The following ALG2 variants were observed in gnomAD, a reference collection of about 807,000 sequenced individuals.
ALG2 encodes ALG2 alpha-1,3/1,6-mannosyltransferase, also known as alpha-1,3/1,6-mannosyltransferase ALG2.
A neutral mutation model predicts 30.5 loss-of-function variants in ALG2; 32 were observed. That is an observed-to-expected ratio of 1.05 (90% confidence interval 0.79 to 1.41). The LOEUF (loss-of-function observed/expected upper bound fraction) is 1.41, where lower values mean the gene tolerates loss of function less well. ALG2 is among the 40% of genes most tolerant of loss of function. ALG2 has a pLI of 0.00. For missense variants in ALG2, 574 were observed against 526.4 expected (o/e 1.09, Z -0.88); for synonymous variants, 253 against 224.8 (o/e 1.13, Z -1.12).
Position 99,217,728 on chromosome 9 carries a change from T to TTGGAA in ALG2, c.*201_*205dup, listed in dbSNP as rs1400128316. 2 of 691,800 alleles carry TTGGAA rather than the reference T, an allele frequency of 2.9e-6. No individual in the cohort carries two copies. Among genetic ancestry groups the TTGGAA allele is most frequent in the Non-Finnish European group, 5.2e-6 (2 of 384,412 alleles). 42.9% of individuals were successfully genotyped at this position (691,800 alleles called of 1,614,324 possible). A position where few individuals can be genotyped will look rare whatever the true frequency, so the allele number is the denominator to read the frequency against. ...ATTTGTAACTTAACACTGGCAAAAT[T>TTGGAA]TGGAATGATTATAGCATAAAAGACA... On this transcript the variant is annotated 3_prime_UTR_variant, in exon 2 of 2. Coordinates refer to ENST00000476832, the MANE Select transcript of ALG2 (RefSeq NM_033087.4).
chr9:99,218,906 A>G (rs1256187864), intron 1 of ALG2, 70 bp from the exon 2 acceptor site: 6 of 1,551,704 alleles, frequency 3.9e-6, no homozygotes, highest in Non-Finnish European at 5.3e-6. Context: ...AAACACAGAC[A>G]CCCACCCCGT....
chr9:99,221,554 C>T lies in ALG2; in HGVS notation c.341G>A (p.Cys114Tyr). ...LADEEFDVVVCDQVSACIPVF... is the reference protein window; with the variant it reads ...LADEEFDVVVYDQVSACIPVF... ...GCCCCGCGGCCGCCTCACCTGGTCG[C>T]ACACTACCACGTCGAACTCCTCGTC... Residue 114 changes from cysteine (C) to tyrosine (Y), a missense_variant, in exon 1 of 2, where the codon TGC becomes TAC. By Grantham distance (194) the Cys-to-Tyr change is radical (BLOSUM62 -2). Coordinates refer to ENST00000476832, the MANE Select transcript of ALG2 (RefSeq NM_033087.4). 6.5e-7 allele frequency: 1 copy of T among 1,544,040 alleles called. No homozygotes were observed. Among genetic ancestry groups the T allele is most frequent in the Non-Finnish European group, 8.7e-7 (1 of 1,146,266 alleles).
In ALG2 at chr9:99,218,408, C is replaced by T; in HGVS notation, c.777G>A (p.Trp259Ter). Reference sequence around the variant, plus strand: ...CTGCCACGATCAGATGAACCCTCTCCCAATCTTGGGATGTCAATCTTCCAC... The same window carrying T: ...CTGCCACGATCAGATGAACCCTCTCTCAATCTTGGGATGTCAATCTTCCAC... ...QLRGRLTSQD[W>*]ERVHLIVAGG... The change falls in exon 2 of 2, where the codon TGG (tryptophan) becomes TGA (stop). Residue 259 changes from tryptophan to a stop codon, truncating the protein, a stop_gained. Coordinates refer to ENST00000476832, the MANE Select transcript of ALG2 (RefSeq NM_033087.4). LOFTEE classifies it high-confidence loss of function. The T allele has an allele frequency of 5.0e-6, 8 of 1,614,226 alleles. No homozygotes were observed. The highest frequency in any genetic ancestry group is 5.9e-6 in the Non-Finnish European group (7 of 1,180,046).
chr9:99,219,400 C>T (rs895609146), intron 1 of ALG2, among the ~76,000 whole-genome samples: 3 of 152,160 alleles, frequency 2.0e-5, no homozygotes, highest in African/African-American at 7.2e-5. Flanking sequence ...TAGTTTAGAG[C>T]ACAAGCTCTA....
In ALG2 at chr9:99,218,109, C is replaced by T. The variant is rs139337094; in HGVS notation, c.1076G>A (p.Gly359Glu). Residue 359 changes from glycine to glutamate, a missense_variant, in exon 2 of 2, where the codon GGG (glycine) becomes GAG (glutamate). Gly to Glu is a moderately conservative substitution (Grantham distance 98). Coordinates refer to ENST00000476832, the MANE Select transcript of ALG2 (RefSeq NM_033087.4). ...PLESIDHSVT[G>E]FLCEPDPVHF... ...CACCGGGTCAGGCTCACACAGAAAC[C>T]CTGTGACACTGTGGTCAATGGACTC... is the stretch of plus-strand genomic sequence containing the variant. 27 of 1,612,604 alleles carry T rather than the reference C, an allele frequency of 1.7e-5. No homozygotes were observed. The highest frequency in any genetic ancestry group is 6.7e-5 in the African/African-American group (5 of 74,800).
rs761379332 is a variant in ALG2, at chr9:99,217,231, CAT to C, written c.*701_*702del. The C allele has an allele frequency of 8.8e-6, 4 of 454,008 alleles. No individual in the cohort carries two copies. Among genetic ancestry groups the C allele is most frequent in the East Asian group, 6.9e-5 (1 of 14,416 alleles). 28.1% of individuals were successfully genotyped at this position (454,008 alleles called of 1,614,324 possible). Reference sequence around the variant, plus strand: ...TATACCCTAAACAAGATGCACAACACATGTGTGACAATATTCTTGCTTCATTT... The same window carrying C: ...TATACCCTAAACAAGATGCACAACACGTGTGACAATATTCTTGCTTCATTT... On this transcript the variant is annotated 3_prime_UTR_variant, in exon 2 of 2. Transcript: ENST00000476832.
chr9:99,221,922 A>C lies in ALG2; in HGVS notation c.-28T>G, dbSNP rs774113151. ...CCCTGGAGCCGCAACTGCACCCCGCACCCTGATGGGGGTCTTCTGCGCAAG... is the reference window on the plus strand; with the variant it reads ...CCCTGGAGCCGCAACTGCACCCCGCCCCCTGATGGGGGTCTTCTGCGCAAG... On this transcript the variant is annotated 5_prime_UTR_variant, in exon 1 of 2. Transcript: ENST00000476832. 7 of 1,561,372 alleles carry C rather than the reference A, an allele frequency of 4.5e-6. No individual in the cohort carries two copies. The highest frequency in any genetic ancestry group is 5.2e-6 in the Non-Finnish European group (6 of 1,159,340).
chr9:99,220,817 A>G (rs1588619980), intron 1 of ALG2, among the ~76,000 whole-genome samples: 2 of 152,216 alleles, frequency 1.3e-5, no homozygotes, highest in South Asian at 4.1e-4. Flanking sequence ...ATCTTCAGGG[A>G]GTAGAATAGG....
rs866814486 is a variant in ALG2, at chr9:99,221,530, C to T, written c.348+17G>A. The T allele has an allele frequency of 6.5e-7, 1 of 1,541,232 alleles. No homozygotes were observed. The highest frequency in any genetic ancestry group is 2.4e-5 in the East Asian group (1 of 40,860). Reference sequence around the variant, plus strand: ...GCGAGGTCCGCACTCGCGCAGCCGGCCCCGCGGCCGCCTCACCTGGTCGCA... The same window carrying T: ...GCGAGGTCCGCACTCGCGCAGCCGGTCCCGCGGCCGCCTCACCTGGTCGCA... On this transcript the variant is annotated intron_variant, in intron 1 of 1. Transcript: ENST00000476832.
Position 99,221,667 on chromosome 9 carries a change from C to G in ALG2, c.228G>C (p.Pro76=). Residue 76 remains proline (P), a synonymous_variant, in exon 1 of 2, where the codon CCG becomes CCC. Coordinates refer to ENST00000476832, the MANE Select transcript of ALG2 (RefSeq NM_033087.4). ...LPVRCAGDWL[P]RGLGWGGRGA... ...CGCGGCCGCCCCAGCCCAGGCCTCG[C>G]GGCAGCCAGTCCCCGGCACAGCGCA... The G allele has an allele frequency of 2.6e-6, 4 of 1,552,280 alleles. No individual in the cohort carries two copies. The highest frequency in any genetic ancestry group is 3.5e-6 in the Non-Finnish European group (4 of 1,153,108).
Position 99,221,479 on chromosome 9 carries a change from G to C in ALG2, c.348+68C>G, listed in dbSNP as rs991607695. On this transcript the variant is annotated intron_variant, in intron 1 of 1. Transcript: ENST00000476832. ...CAGACAGGGAAGGTCTTCTCTCAGG[G>C]GTCATGCCCGCGGCCGCCCTCCACG... 2.0e-6 allele frequency: 3 copies of C among 1,476,472 alleles called. No individual in the cohort carries two copies. The African/African-American group carries it at 4.2e-5, about 21-fold the overall frequency. The allele number at this position is 1,476,472 out of a possible 1,614,324, so 91.5% of individuals were successfully genotyped here. A position where few individuals can be genotyped will look rare whatever the true frequency, so the allele number is the denominator to read the frequency against.
chr9:99,221,415 C>G, intron 1 of ALG2, 132 bp downstream of exon 1: 1 of 1,112,196 alleles, frequency 9.0e-7, no homozygotes, highest in Non-Finnish European at 1.3e-6. Context: ...TCGCTCACAA[C>G]CCTGACTTCT....
intron 1 of ALG2, 144 bp downstream of exon 1, chr9:99,221,403 G>A (rs1828797668): frequency 9.9e-7 from 1 of 1,007,438 alleles, no homozygotes; most frequent in Non-Finnish European, 1.5e-6. Flanking sequence ...AGAACCACAG[G>A]CTCGCTCACA....
In ALG2 at chr9:99,221,680, C is replaced by A. The variant is rs770738799; in HGVS notation, c.215G>T (p.Gly72Val). 28 of 1,566,546 alleles carry A rather than the reference C, an allele frequency of 1.8e-5. No homozygotes were observed. The Admixed American group carries it at 5.1e-4, about 28-fold the overall frequency. ...ESRELPVRCA[G>V]DWLPRGLGWG... ...GCCCAGGCCTCGCGGCAGCCAGTCC[C>A]CGGCACAGCGCACCGGTAGCTCGCG... Residue 72 changes from glycine to valine, a missense_variant, in exon 1 of 2, where the codon GGG (glycine) becomes GTG (valine). Gly to Val is a moderately radical substitution (Grantham distance 109). Coordinates refer to ENST00000476832, the MANE Select transcript of ALG2 (RefSeq NM_033087.4).
At position 99,221,925 on chromosome 9, in the gene ALG2, C is replaced by T; in HGVS notation, c.-31G>A. 1 of 1,556,024 alleles carries T rather than the reference C, an allele frequency of 6.4e-7. No homozygotes were observed. Among genetic ancestry groups the T allele is most frequent in the East Asian group, 2.3e-5 (1 of 43,486 alleles). On this transcript the variant is annotated 5_prime_UTR_variant, in exon 1 of 2. Coordinates refer to ENST00000476832, the MANE Select transcript of ALG2 (RefSeq NM_033087.4). Reference sequence around the variant, plus strand: ...TGGAGCCGCAACTGCACCCCGCACCCTGATGGGGGTCTTCTGCGCAAGCTC... The same window carrying T: ...TGGAGCCGCAACTGCACCCCGCACCTTGATGGGGGTCTTCTGCGCAAGCTC...
rs1276792294 is a variant in ALG2, at chr9:99,217,214, A to G, written c.*720T>C. 1 of 454,020 alleles carries G rather than the reference A, an allele frequency of 2.2e-6. No individual in the cohort carries two copies. Among genetic ancestry groups the G allele is most frequent in the Admixed American group, 2.3e-5 (1 of 42,560 alleles). The allele number at this position is 454,020 out of a possible 1,614,324, so 28.1% of individuals were successfully genotyped here. On this transcript the variant is annotated 3_prime_UTR_variant, in exon 2 of 2. Transcript: ENST00000476832. ...TAGATGACATTAAGAAATATACCCTAAACAAGATGCACAACACATGTGTGA... is the reference window on the plus strand; with the variant it reads ...TAGATGACATTAAGAAATATACCCTGAACAAGATGCACAACACATGTGTGA...
At position 99,218,535 on chromosome 9, in the gene ALG2, T is replaced by A; in HGVS notation, c.650A>T (p.Asp217Val). Residue 217 changes from aspartate to valine, a missense_variant, in exon 2 of 2, where the codon GAT (aspartate) becomes GTT (valine). Transcript: ENST00000476832. ...TTTTTTCCCCTTGGGGACTAGGTCATCCAGCTTTTCAGGAACAACTGAGTC... is the reference window on the plus strand; with the variant it reads ...TTTTTTCCCCTTGGGGACTAGGTCAACCAGCTTTTCAGGAACAACTGAGTC... ...SFDSVVPEKL[D>V]DLVPKGKKFL... is the part of the protein sequence containing the mutation. 6.2e-7 allele frequency: 1 copy of A among 1,614,208 alleles called. No homozygotes were observed. Among genetic ancestry groups the A allele is most frequent in the Middle Eastern group, 1.6e-4 (1 of 6,062 alleles).
intron 1 of ALG2, among the ~76,000 whole-genome samples, chr9:99,219,817 C>T (rs1042375643): frequency 6.6e-6 from 1 of 152,158 alleles, no homozygotes; most frequent in Non-Finnish European, 1.5e-5. Context: ...ATTTCCAAGC[C>T]AATAATTTTT....
Position 99,217,858 on chromosome 9 carries a change from G to T in ALG2, c.*76C>A. 6.7e-7 allele frequency: 1 copy of T among 1,486,258 alleles called. No homozygotes were observed. Among genetic ancestry groups the T allele is most frequent in the Non-Finnish European group, 9.4e-7 (1 of 1,066,356 alleles). 92.1% of individuals were successfully genotyped at this position (1,486,258 alleles called of 1,614,324 possible). A position where few individuals can be genotyped will look rare whatever the true frequency, so the allele number is the denominator to read the frequency against. On this transcript the variant is annotated 3_prime_UTR_variant, in exon 2 of 2. Coordinates refer to ENST00000476832, the MANE Select transcript of ALG2 (RefSeq NM_033087.4). ...AAGATCTCTTCTGCATTAGATTCTAGGTTTCTTTTTTGGTTTCAAAACTGG... is the reference window on the plus strand; with the variant it reads ...AAGATCTCTTCTGCATTAGATTCTATGTTTCTTTTTTGGTTTCAAAACTGG...
Sources: gnomAD v4.1 joint callset for allele counts (sites outside exome capture counted in the v4.1 genomes callset) on GRCh38, gnomAD v4.1.1 for gene constraint, MANE v1.5 for transcripts, NCBI Gene and HGNC (gene_info 2026-07-23, HGNC 2026-07-21) for gene names.